JPH3: variants seen among roughly 807,000 people sequenced by gnomAD.
The protein encoded by JPH3 is junctophilin 3.
In JPH3, 11 loss-of-function variants were observed where a neutral mutation model predicts 59.6. The observed-to-expected ratio is 0.18, with a 90% CI of 0.12 to 0.31. The LOEUF (loss-of-function observed/expected upper bound fraction) is 0.31. JPH3 is among the 10% of genes least tolerant of loss of function. JPH3 has a pLI of 1.00. For synonymous variants in JPH3, 673 were observed against 483.6 expected (o/e 1.39, Z -5.14); for missense variants, 1,202 against 1,105.7 (o/e 1.09, Z -1.24).
chr16:87,620,088 A>G lies in JPH3; in HGVS notation c.382+16560A>G, dbSNP rs73234332. 5.3e-3 allele frequency among the ~76,000 whole-genome samples: 802 copies of G among 152,204 alleles called. 7 individuals carry two copies. Among genetic ancestry groups the G allele is most frequent in the African/African-American group, 0.018 (750 of 41,538 alleles). On this transcript the variant is annotated intron_variant, in intron 1 of 4. Transcript: ENST00000284262. Reference sequence around the variant, plus strand: ...GAGCCGGAGGTAAACCCCTTGGGAAACAGAGGTCCCAGCCCACAGTACTGC... The same window carrying G: ...GAGCCGGAGGTAAACCCCTTGGGAAGCAGAGGTCCCAGCCCACAGTACTGC...
At chr16:87,674,033 T>TAA (rs369927115) in intron 2 of JPH3, among the ~76,000 whole-genome samples, 55 of 145,468 alleles carry the variant, frequency 3.8e-4, no homozygotes, top group East Asian at 1.4e-3. Context: ...AGTGTTAAGT[T>TAA]AAAAAAAAAA....
In JPH3 at chr16:87,696,892, A is replaced by G. The variant is rs1171308728; in HGVS notation, c.*232A>G. ...CTTGTATAACACTCTGCTGTGTGGC[A>G]TGGCAGAAGGAGGCCAGCACGCAGC... On this transcript the variant is annotated 3_prime_UTR_variant, in exon 5 of 5. Transcript: ENST00000284262. The G allele has an allele frequency of 3.9e-6, 2 of 512,870 alleles. No individual in the cohort carries two copies. Among genetic ancestry groups the G allele is most frequent in the Non-Finnish European group, 7.1e-6 (2 of 282,002 alleles). 31.8% of individuals were successfully genotyped at this position (512,870 alleles called of 1,614,324 possible).
intron 2 of JPH3, among the ~76,000 whole-genome samples, chr16:87,657,263 G>C (rs538767020): frequency 1.3e-5 from 2 of 152,190 alleles, no homozygotes; most frequent in African/African-American, 4.8e-5. Context: ...CACCTGCCAC[G>C]GCATGAATGA....
At chr16:87,641,888 C>T (rs1461435136) in intron 1 of JPH3, among the ~76,000 whole-genome samples, 1 of 152,350 alleles carries the variant, frequency 6.6e-6, no homozygotes, top group East Asian at 1.9e-4. Context: ...TCTGGAACAT[C>T]TAAGACCCCA....
intron 2 of JPH3, among the ~76,000 whole-genome samples, chr16:87,682,438 C>A (rs1057362091): frequency 2.0e-5 from 3 of 151,964 alleles, no homozygotes; most frequent in African/African-American, 7.3e-5. Context: ...GGATGTGGGG[C>A]CTTTGGGAGG....
intron 1 of JPH3, among the ~76,000 whole-genome samples, chr16:87,637,489 G>C (rs780726110): frequency 6.6e-6 from 1 of 151,764 alleles, no homozygotes; most frequent in African/African-American, 2.4e-5. Flanking sequence ...ATTTTGCGCC[G>C]GTGTTGGGCC....
rs150537587 is a variant in JPH3 at position 87,637,377 on chromosome 16, G to C, written c.383-6881G>C. On this transcript the variant is annotated intron_variant, in intron 1 of 4. Coordinates refer to ENST00000284262, the MANE Select transcript of JPH3 (RefSeq NM_020655.4). ...CATCCGTCTGTCTCTGGATTTACCT[G>C]TTCATGTTATGGGGGAGAGAGAGAG... Among the ~76,000 whole-genome samples the C allele has an allele frequency of 1.6e-3, 247 of 150,734 alleles. 1 individual carries two copies. The highest frequency in any genetic ancestry group is 2.8e-3 in the Admixed American group (42 of 15,090).
At position 87,696,282 on chromosome 16, in the gene JPH3, C is replaced by T. The variant is rs1263409461; in HGVS notation, c.2167-298C>T. ...TGCAGGGAGGCCTGGGTGGTTCTCT[C>T]CAAGGGGACCCTGGGAGAGCTGGTA... On this transcript the variant is annotated intron_variant, in intron 4 of 4. Transcript: ENST00000284262. The T allele has an allele frequency of 2.2e-5, 11 of 500,728 alleles. No homozygotes were observed. The East Asian group carries it at 3.4e-4, about 16-fold the overall frequency. The allele number at this position is 500,728 out of a possible 1,614,324, so 31.0% of individuals were successfully genotyped here. A position where few individuals can be genotyped will look rare whatever the true frequency, so the allele number is the denominator to read the frequency against.
chr16:87,648,095 G>C (rs1430190108), intron 2 of JPH3, among the ~76,000 whole-genome samples: 2 of 152,224 alleles, frequency 1.3e-5, no homozygotes, highest in Non-Finnish European at 2.9e-5. Context: ...AGGCATGGGA[G>C]GCAGGTGTGT....
In JPH3 at chr16:87,689,973, G is replaced by T. The variant is rs776905301; in HGVS notation, c.1613G>T (p.Gly538Val). The change falls in exon 4 of 5, where the codon GGC (glycine) becomes GTC (valine). Residue 538 changes from glycine (G) to valine (V), a missense_variant. Physicochemically the swap from Gly to Val is moderately radical, Grantham distance 109. Transcript: ENST00000284262. ...RSSWGEEQAG[G>V]SRGVRSGALR... ...AGCTGGGGCGAGGAGCAGGCCGGGGGCTCCAGGGGTGTCCGCAGCGGTGCC... is the reference window on the plus strand; with the variant it reads ...AGCTGGGGCGAGGAGCAGGCCGGGGTCTCCAGGGGTGTCCGCAGCGGTGCC... 1.0e-5 allele frequency: 15 copies of T among 1,456,890 alleles called. No individual in the cohort carries two copies. The South Asian group carries it at 2.0e-4, about 20-fold the overall frequency. The allele number at this position is 1,456,890 out of a possible 1,614,324, so 90.2% of individuals were successfully genotyped here.
At chr16:87,660,635 C>T (rs1028577055) in intron 2 of JPH3, among the ~76,000 whole-genome samples, 1 of 152,184 alleles carries the variant, frequency 6.6e-6, no homozygotes, top group Non-Finnish European at 1.5e-5. Flanking sequence ...AGCCACAGCT[C>T]GGGGCAAAGC....
At chr16:87,689,457 C>G (rs2033501538) in intron 3 of JPH3, among the ~76,000 whole-genome samples, 189 bp from the exon 4 acceptor site, 1 of 152,090 alleles carries the variant, frequency 6.6e-6, no homozygotes, top group Admixed American at 6.5e-5. Flanking sequence ...GGGTGGGGAC[C>G]ACGGGGGTCC....
chr16:87,643,939 C>G (rs751008809), intron 1 of JPH3, among the ~76,000 whole-genome samples: 1 of 152,114 alleles, frequency 6.6e-6, no homozygotes, highest in Non-Finnish European at 1.5e-5. Flanking sequence ...GAGTTAGAAA[C>G]CAGCCTGGCC....
intron 2 of JPH3, among the ~76,000 whole-genome samples, chr16:87,675,663 T>C (rs758099259): frequency 3.3e-5 from 5 of 152,230 alleles, no homozygotes; most frequent in Non-Finnish European, 5.9e-5. Flanking sequence ...GAGTTTTGTC[T>C]GATTTTATAG....
chr16:87,669,461 G>A (rs893583089), intron 2 of JPH3, among the ~76,000 whole-genome samples: 1 of 152,240 alleles, frequency 6.6e-6, no homozygotes, highest in Admixed American at 6.5e-5. Context: ...GTCCCCTCTG[G>A]CCACTTGTCT....
intron 1 of JPH3, among the ~76,000 whole-genome samples, chr16:87,626,557 A>T (rs1293661845): frequency 6.6e-6 from 1 of 152,172 alleles, no homozygotes. Context: ...ATAGCTACAC[A>T]TGCCCATGGG....
At position 87,690,415 on chromosome 16, in the gene JPH3, G is replaced by A. The variant is rs1474908642; in HGVS notation, c.2055G>A (p.Gly685=). 4 of 1,502,214 alleles carry A rather than the reference G, an allele frequency of 2.7e-6. No individual in the cohort carries two copies. The highest frequency in any genetic ancestry group is 2.4e-5 in the East Asian group (1 of 41,912). 93.1% of individuals were successfully genotyped at this position (1,502,214 alleles called of 1,614,324 possible). ...VQKLASLRLG[G]AEPRLLRWDL... ...AACTGGCGAGCCTGCGGCTGGGCGGGGCCGAGCCCCGGTTGCTGCGTTGGG... is the reference window on the plus strand; with the variant it reads ...AACTGGCGAGCCTGCGGCTGGGCGGAGCCGAGCCCCGGTTGCTGCGTTGGG... The change falls in exon 4 of 5, where the codon GGG becomes GGA. Residue 685 remains glycine, a synonymous_variant. Coordinates refer to ENST00000284262, the MANE Select transcript of JPH3 (RefSeq NM_020655.4).
chr16:87,681,516 G>A (rs1162978997), intron 2 of JPH3, among the ~76,000 whole-genome samples: 2 of 129,964 alleles, frequency 1.5e-5, no homozygotes, highest in Non-Finnish European at 3.2e-5. Flanking sequence ...ACAGTGCCGG[G>A]AGGTCAGGTG....
chr16:87,642,939 A>G (rs1340638576), intron 1 of JPH3, among the ~76,000 whole-genome samples: 2 of 152,216 alleles, frequency 1.3e-5, no homozygotes, highest in African/African-American at 4.8e-5. Flanking sequence ...TAAGTATACA[A>G]TTCAGTGGTA....
Sources: gnomAD v4.1 joint callset for allele counts (sites outside exome capture counted in the v4.1 genomes callset) on GRCh38, gnomAD v4.1.1 for gene constraint, MANE v1.5 for transcripts, NCBI Gene and HGNC (gene_info 2026-07-23, HGNC 2026-07-21) for gene names.